Variants in PKNOX2 observed in about 807,000 individuals in gnomAD.
PKNOX2 encodes the protein homeobox protein PKNOX2.
Under a neutral mutation model 53.1 loss-of-function variants are expected in PKNOX2, and 14 were observed. The ratio of observed to expected loss-of-function variants is 0.26; its 90% confidence interval spans 0.17 to 0.41. The LOEUF (loss-of-function observed/expected upper bound fraction) is 0.41, where lower values mean the gene tolerates loss of function less well. Ranked by LOEUF, PKNOX2 falls within the 10% of genes least tolerant of loss-of-function variation. The pLI, the probability that PKNOX2 is intolerant of heterozygous loss-of-function variation, is 1.00. For synonymous variants in PKNOX2, 257 were observed against 242.8 expected, an observed-to-expected ratio of 1.06 and a Z score of -0.54; for missense variants, 496 against 602.8, an observed-to-expected ratio of 0.82 and a Z score of 1.85.
chr11:125,253,809 G>C (rs1213722402), intron 2 of PKNOX2, among the ~76,000 whole-genome samples: 1 of 152,096 alleles, frequency 6.6e-6, no homozygotes, highest in Non-Finnish European at 1.5e-5. Context: ...AGGACCCCCT[G>C]GTTCCCTTCA....
At chr11:125,426,664 G>A (rs892449462) in intron 10 of PKNOX2, among the ~76,000 whole-genome samples, 4 of 150,764 alleles carry the variant, frequency 2.7e-5, no homozygotes, top group South Asian at 2.1e-4. Context: ...TCTCCTTATT[G>A]TGCTAGTTCA....
intron 2 of PKNOX2, among the ~76,000 whole-genome samples, chr11:125,250,472 G>A (rs185844959): frequency 5.5e-4 from 83 of 152,242 alleles, no homozygotes; most frequent in African/African-American, 1.8e-3. Flanking sequence ...GCTCCGGTGC[G>A]CACAGCCTTT....
intron 2 of PKNOX2, among the ~76,000 whole-genome samples, chr11:125,264,117 CTG>C (rs1487999356): frequency 1.3e-5 from 2 of 152,194 alleles, no homozygotes; most frequent in Non-Finnish European, 2.9e-5. Context: ...ATCCCTGACA[CTG>C]TTAGGAAAAG....
At chr11:125,417,726 G>C (rs1461083799) in intron 10 of PKNOX2, among the ~76,000 whole-genome samples, 1 of 152,040 alleles carries the variant, frequency 6.6e-6, no homozygotes, top group Non-Finnish European at 1.5e-5. Flanking sequence ...GTGGAGCCCC[G>C]TCCTGGGAGA....
intron 2 of PKNOX2, among the ~76,000 whole-genome samples, chr11:125,303,218 T>C (rs998962197): frequency 2.0e-5 from 3 of 152,272 alleles, no homozygotes; most frequent in Admixed American, 2.0e-4. Context: ...AATTTTGCTT[T>C]TCAATTTTCA....
intron 5 of PKNOX2, among the ~76,000 whole-genome samples, chr11:125,374,991 A>G (rs944516139): frequency 1.3e-5 from 2 of 152,160 alleles, no homozygotes; most frequent in African/African-American, 2.4e-5. Context: ...ATGAAGGTTC[A>G]TATGGCCAGT....
intron 1 of PKNOX2, among the ~76,000 whole-genome samples, chr11:125,217,607 C>T (rs1261557678): frequency 6.6e-6 from 1 of 152,190 alleles, no homozygotes; most frequent in Non-Finnish European, 1.5e-5. Flanking sequence ...GTCTCCTCTG[C>T]GTGATTGCCC....
At chr11:125,218,201 G>A (rs941920196) in intron 1 of PKNOX2, among the ~76,000 whole-genome samples, 6 of 152,232 alleles carry the variant, frequency 3.9e-5, no homozygotes, top group African/African-American at 1.2e-4. Context: ...GGGGCGCTCC[G>A]TTCAGGTTTG....
intron 3 of PKNOX2, among the ~76,000 whole-genome samples, chr11:125,334,593 T>G (rs1283084895): frequency 2.1e-5 from 3 of 141,908 alleles, no homozygotes; most frequent in Admixed American, 6.7e-5. Context: ...TTTCGTTTTT[T>G]TTTTTTTTTC....
At chr11:125,416,302 C>CA (rs61354494) in intron 10 of PKNOX2, among the ~76,000 whole-genome samples, 6,861 of 70,296 alleles carry the variant, frequency 0.098, 438 homozygotes, top group Middle Eastern at 0.12. Context: ...GACGCCGTCT[C>CA]AAAAAAAAAA....
At chr11:125,337,407 T>G (rs147051692) in intron 3 of PKNOX2, among the ~76,000 whole-genome samples, 1 of 152,366 alleles carries the variant, frequency 6.6e-6, no homozygotes, top group African/African-American at 2.4e-5. Flanking sequence ...AGTTCTCACA[T>G]GTCCAACACT....
intron 5 of PKNOX2, among the ~76,000 whole-genome samples, chr11:125,374,382 C>A (rs1253049018): frequency 6.6e-6 from 1 of 152,114 alleles, no homozygotes; most frequent in African/African-American, 2.4e-5. Context: ...GGTGGATAGT[C>A]CCTGCTTTTT....
intron 1 of PKNOX2, chr11:125,188,222 T>C (rs927012633): frequency 1.3e-5 from 2 of 152,212 alleles, no homozygotes; most frequent in African/African-American, 4.8e-5. Flanking sequence ...GGACTTGTTT[T>C]CTATCCAGTC....
intron 1 of PKNOX2, among the ~76,000 whole-genome samples, chr11:125,181,173 C>G (rs1191016269): frequency 6.6e-6 from 1 of 152,194 alleles, no homozygotes; most frequent in Admixed American, 6.5e-5. Flanking sequence ...TTTAAGTAAC[C>G]TGAGGCACAG....
intron 2 of PKNOX2, among the ~76,000 whole-genome samples, chr11:125,275,061 A>G (rs925216707): frequency 2.0e-5 from 3 of 152,236 alleles, no homozygotes; most frequent in African/African-American, 7.2e-5. Flanking sequence ...GGTCCCTGCC[A>G]TCAAGGATTT....
intron 2 of PKNOX2, among the ~76,000 whole-genome samples, chr11:125,250,122 C>T (rs1383954232): frequency 1.3e-5 from 2 of 150,590 alleles, no homozygotes; most frequent in Admixed American, 6.6e-5. Flanking sequence ...CACTATGTTG[C>T]CCAGGCTAGA....
At chr11:125,192,334 C>T (rs758806420) in intron 1 of PKNOX2, among the ~76,000 whole-genome samples, 6 of 152,156 alleles carry the variant, frequency 3.9e-5, no homozygotes, top group Admixed American at 6.5e-5. Context: ...ACAGGCGCTG[C>T]GGCTAAAGAA....
intron 5 of PKNOX2, among the ~76,000 whole-genome samples, chr11:125,380,040 G>A (rs975510917): frequency 6.6e-6 from 1 of 152,148 alleles, no homozygotes; most frequent in African/African-American, 2.4e-5. Context: ...AAGGAGAAAA[G>A]AAATAATAAA....
chr11:125,419,907 G>A (rs866654713), intron 10 of PKNOX2, among the ~76,000 whole-genome samples: 9 of 150,564 alleles, frequency 6.0e-5, no homozygotes, highest in Admixed American at 2.0e-4. Context: ...AAAAGGCCGA[G>A]TGCAGTGGCT....
Sources: allele counts gnomAD v4.1 joint callset (sites outside exome capture counted in the v4.1 genomes callset), GRCh38; gene constraint gnomAD v4.1.1; transcripts MANE v1.5; gene names NCBI Gene and HGNC (gene_info 2026-07-23, HGNC 2026-07-21).